TXNRD1: variants seen among roughly 807,000 people sequenced by gnomAD.
TXNRD1 encodes thioredoxin reductase 1, cytoplasmic.
TXNRD1 carries 57 observed loss-of-function variants against 80.3 expected under a neutral mutation model. The observed-to-expected ratio is 0.71, with a 90% CI of 0.57 to 0.89. The LOEUF (loss-of-function observed/expected upper bound fraction) is 0.89, where lower values mean the gene tolerates loss of function less well. TXNRD1 is among the 40% of genes least tolerant of loss of function. The pLI is 0.00. For missense variants in TXNRD1, 730 were observed against 803.0 expected (o/e 0.91, Z 1.10); for synonymous variants, 291 against 285.2 (o/e 1.02, Z -0.20).
chr12:104,291,616 T>C (rs1366099964), intron 4 of TXNRD1, among the ~76,000 whole-genome samples: 1 of 151,816 alleles, frequency 6.6e-6, no homozygotes, highest in Admixed American at 6.6e-5. Flanking sequence ...CCCGAGTAGC[T>C]GGGATTACAG....
intron 1 of TXNRD1, among the ~76,000 whole-genome samples, chr12:104,236,161 A>C (rs1366011315): frequency 6.6e-6 from 1 of 152,036 alleles, no homozygotes; most frequent in Non-Finnish European, 1.5e-5. Context: ...TTTGTTTTAG[A>C]CTATAGACTG....
At chr12:104,245,648 CAAAA>C (rs149083903) in intron 1 of TXNRD1, among the ~76,000 whole-genome samples, 1,154 of 108,864 alleles carry the variant, frequency 0.011, 15 homozygotes, top group Non-Finnish European at 0.014. Flanking sequence ...GACCCTGTCT[CAAAA>C]AAAAAAAAAA....
intron 3 of TXNRD1, among the ~76,000 whole-genome samples, chr12:104,281,393 T>C (rs1273309795): frequency 6.8e-6 from 1 of 147,326 alleles, no homozygotes; most frequent in East Asian, 2.0e-4. Flanking sequence ...TATCTCCATA[T>C]CTCCACTTTT....
intron 1 of TXNRD1, among the ~76,000 whole-genome samples, chr12:104,248,291 A>G (rs1459428636): frequency 1.3e-5 from 2 of 152,050 alleles, no homozygotes; most frequent in African/African-American, 2.4e-5. Flanking sequence ...TTATTTACTT[A>G]TTTATTTATT....
chr12:104,318,796 C>A, intron 7 of TXNRD1, 117 bp from the exon 8 acceptor site: 1 of 1,044,720 alleles, frequency 9.6e-7, no homozygotes, highest in Non-Finnish European at 1.4e-6. Context: ...AGGATTTGCC[C>A]TTTCAGATTG....
intron 1 of TXNRD1, among the ~76,000 whole-genome samples, chr12:104,220,116 A>G (rs914447531): frequency 1.8e-4 from 27 of 152,106 alleles, no homozygotes; most frequent in African/African-American, 6.3e-4. Flanking sequence ...ATCCTTAGCA[A>G]TGGGGCTGAG....
At chr12:104,273,148 T>G (rs2033688115) in intron 3 of TXNRD1, among the ~76,000 whole-genome samples, 1 of 152,204 alleles carries the variant, frequency 6.6e-6, no homozygotes, top group South Asian at 2.1e-4. Context: ...GCCCAATAAC[T>G]TGAAGGCCTG....
At chr12:104,248,888 C>T (rs995658717) in intron 1 of TXNRD1, among the ~76,000 whole-genome samples, 1 of 151,864 alleles carries the variant, frequency 6.6e-6, no homozygotes, top group Non-Finnish European at 1.5e-5. Flanking sequence ...TGCACGATCT[C>T]GGCTCACTGC....
chr12:104,250,905 T>C (rs1010901617), intron 1 of TXNRD1, among the ~76,000 whole-genome samples: 1 of 152,200 alleles, frequency 6.6e-6, no homozygotes, highest in Non-Finnish European at 1.5e-5. Flanking sequence ...AGGATGACAG[T>C]GCTGTCATGT....
intron 3 of TXNRD1, among the ~76,000 whole-genome samples, chr12:104,267,665 C>CTTTCTTTG (rs1441409418): frequency 3.0e-5 from 1 of 32,890 alleles, no homozygotes; most frequent in Admixed American, 3.0e-4. Context: ...TTCTTTCTTT[C>CTTTCTTTG]TTTCTTTCTT....
chr12:104,289,145 G>A, intron 4 of TXNRD1, 105 bp downstream of exon 4: 2 of 1,377,016 alleles, frequency 1.5e-6, no homozygotes, highest in Non-Finnish European at 2.0e-6. Context: ...CCTCCAAACG[G>A]GACGCAGCGC....
intron 3 of TXNRD1, among the ~76,000 whole-genome samples, chr12:104,270,352 T>C (rs1270090120): frequency 6.6e-6 from 1 of 152,198 alleles, no homozygotes; most frequent in Non-Finnish European, 1.5e-5. Flanking sequence ...GAATGGATTT[T>C]GTTAGTAGTC....
chr12:104,269,859 G>A (rs760660126), intron 3 of TXNRD1, among the ~76,000 whole-genome samples: 13 of 151,812 alleles, frequency 8.6e-5, no homozygotes, highest in Middle Eastern at 3.4e-3. Flanking sequence ...GTGAGCCCCC[G>A]CGCCCAGCCC....
Position 104,215,817 on chromosome 12 carries a change from G to A in TXNRD1, c.15G>A (p.Glu5=), listed in dbSNP as rs1364171329. 6.4e-7 allele frequency: 1 copy of A among 1,563,380 alleles called. No homozygotes were observed. Among genetic ancestry groups the A allele is most frequent in the African/African-American group, 1.4e-5 (1 of 73,616 alleles). The change falls in exon 1 of 17, where the codon GAG becomes GAA. Residue 5 remains glutamate (E), a synonymous_variant. Coordinates refer to ENST00000525566, the MANE Select transcript of TXNRD1 (RefSeq NM_001093771.3). ...CCTTGTGCGACATGGGCTGCGCCGAGGGCAAGGCAGTGGCGGCGGCCGCCC... is the reference window on the plus strand; with the variant it reads ...CCTTGTGCGACATGGGCTGCGCCGAAGGCAAGGCAGTGGCGGCGGCCGCCC... MGCA[E]GKAVAAAAPT...
At chr12:104,300,402 A>C (rs368820999) in intron 4 of TXNRD1, among the ~76,000 whole-genome samples, 6 of 152,244 alleles carry the variant, frequency 3.9e-5, no homozygotes, top group Non-Finnish European at 5.9e-5. Flanking sequence ...TACTGCGGGA[A>C]TAAGGTAGAC....
At chr12:104,289,738 TTA>T (rs1491317613) in intron 4 of TXNRD1, among the ~76,000 whole-genome samples, 1 of 26,840 alleles carries the variant, frequency 3.7e-5, no homozygotes, top group Non-Finnish European at 7.1e-5. Flanking sequence ...ATTTATGTAT[TTA>T]AAAAAAAAAA....
chr12:104,246,062 G>A (rs78908856), intron 1 of TXNRD1, among the ~76,000 whole-genome samples: 35 of 133,764 alleles, frequency 2.6e-4, no homozygotes, highest in South Asian at 1.3e-3. Context: ...GCAGTGAGCT[G>A]AGATCGCGCC....
At chr12:104,286,519 A>C (rs1389159139) in intron 3 of TXNRD1, among the ~76,000 whole-genome samples, 1 of 152,150 alleles carries the variant, frequency 6.6e-6, no homozygotes, top group Non-Finnish European at 1.5e-5. Context: ...GGAACTGCCA[A>C]ACTGACTAAT....
At chr12:104,314,572 G>T (rs1484036169) in intron 6 of TXNRD1, among the ~76,000 whole-genome samples, 1 of 151,950 alleles carries the variant, frequency 6.6e-6, no homozygotes, top group Non-Finnish European at 1.5e-5. Context: ...TTGGTCACCT[G>T]CCTGTGTTTT....
Sources: allele counts gnomAD v4.1 joint callset (sites outside exome capture counted in the v4.1 genomes callset), GRCh38; gene constraint gnomAD v4.1.1; transcripts MANE v1.5; gene names NCBI Gene and HGNC (gene_info 2026-07-23, HGNC 2026-07-21).